The following SLC35F3 variants were observed in gnomAD, a reference collection of about 807,000 sequenced individuals.
The protein encoded by SLC35F3 is solute carrier family 35 member F3, also known as putative thiamine transporter SLC35F3.
Under a neutral mutation model 49.9 loss-of-function variants are expected in SLC35F3, and 25 were observed. The ratio of observed to expected loss-of-function variants is 0.50; its 90% CI spans 0.37 to 0.70. The LOEUF (loss-of-function observed/expected upper bound fraction) is 0.70, where lower values mean the gene tolerates loss of function less well. SLC35F3 is among the 30% of genes least tolerant of loss of function. The probability of loss-of-function intolerance (pLI) is 0.00; values close to 1 mark genes in which losing one functional copy is unlikely to be tolerated. For synonymous variants in SLC35F3, 275 were observed against 265.4 expected (o/e 1.04, Z -0.35); for missense variants, 525 against 639.8 (o/e 0.82, Z 1.94).
intron 3 of SLC35F3, among the ~76,000 whole-genome samples, chr1:234,244,981 C>G (rs1011383541): frequency 6.6e-6 from 1 of 151,668 alleles, no homozygotes; most frequent in African/African-American, 2.4e-5. Context: ...ATTTCATGTC[C>G]TCTCTTCTCA....
At chr1:234,100,272 A>G (rs1057199146) in intron 2 of SLC35F3, among the ~76,000 whole-genome samples, 2 of 152,236 alleles carry the variant, frequency 1.3e-5, no homozygotes, top group Non-Finnish European at 2.9e-5. Flanking sequence ...ACCAGGCTCT[A>G]TCTGATATTA....
At chr1:234,285,921 C>A (rs1668412466) in intron 3 of SLC35F3, among the ~76,000 whole-genome samples, 1 of 152,058 alleles carries the variant, frequency 6.6e-6, no homozygotes, top group African/African-American at 2.4e-5. Flanking sequence ...GATGTGTGTC[C>A]CTTATCTCAG....
intron 2 of SLC35F3, among the ~76,000 whole-genome samples, chr1:234,094,661 C>T (rs1422204604): frequency 6.6e-6 from 1 of 152,182 alleles, no homozygotes; most frequent in African/African-American, 2.4e-5. Context: ...ATTTCCAAAC[C>T]CCTCTCTATC....
chr1:234,115,314 T>C (rs1665470389), intron 2 of SLC35F3, among the ~76,000 whole-genome samples: 1 of 152,244 alleles, frequency 6.6e-6, no homozygotes, highest in Non-Finnish European at 1.5e-5. Flanking sequence ...TGCCTATGCG[T>C]GGACTTGTGG....
At chr1:234,301,104 G>A (rs950292025) in intron 3 of SLC35F3, among the ~76,000 whole-genome samples, 1 of 152,204 alleles carries the variant, frequency 6.6e-6, no homozygotes, top group Non-Finnish European at 1.5e-5. Flanking sequence ...TGAGGCATCT[G>A]GGAATGTCCA....
chr1:234,004,940 T>C (rs537966409), intron 2 of SLC35F3, among the ~76,000 whole-genome samples: 30 of 152,172 alleles, frequency 2.0e-4, no homozygotes, highest in Non-Finnish European at 4.3e-4. Flanking sequence ...TCATTAATCA[T>C]AGAAGCAATA....
chr1:234,068,822 A>ATTTT (rs1491227781), intron 2 of SLC35F3, among the ~76,000 whole-genome samples: 368 of 20,250 alleles, frequency 0.018, 23 homozygotes, highest in African/African-American at 0.076. Flanking sequence ...GATTTGAGAC[A>ATTTT]TTATATATAT....
chr1:234,240,548 T>C (rs1408902648), intron 3 of SLC35F3, among the ~76,000 whole-genome samples: 1 of 151,618 alleles, frequency 6.6e-6, no homozygotes, highest in Non-Finnish European at 1.5e-5. Context: ...GAGGTTGCAG[T>C]GAGCCAAGAT....
At chr1:234,155,780 A>G (rs1174985749) in intron 2 of SLC35F3, among the ~76,000 whole-genome samples, 1 of 142,910 alleles carries the variant, frequency 7.0e-6, no homozygotes, top group African/African-American at 2.6e-5. Flanking sequence ...CACACAATAT[A>G]CCAAAAAAAA....
intron 2 of SLC35F3, among the ~76,000 whole-genome samples, chr1:234,002,351 A>G (rs1663566812): frequency 6.6e-6 from 1 of 152,182 alleles, no homozygotes; most frequent in Non-Finnish European, 1.5e-5. Flanking sequence ...CCAGGACACC[A>G]CATTATCTTT....
chr1:234,044,511 TATTGCCAA>T (rs1664263418), intron 2 of SLC35F3, among the ~76,000 whole-genome samples: 1 of 152,240 alleles, frequency 6.6e-6, no homozygotes, highest in South Asian at 2.1e-4. Context: ...CTTTTCTAGA[TATTGCCAA>T]ATTGCTGTGC....
chr1:233,953,314 T>G (rs537234897), intron 2 of SLC35F3, among the ~76,000 whole-genome samples: 3 of 152,320 alleles, frequency 2.0e-5, no homozygotes, highest in Non-Finnish European at 4.4e-5. Flanking sequence ...GTTTTAAATT[T>G]TGAGCCTAAA....
chr1:233,939,352 G>T lies in SLC35F3; in HGVS notation c.283+33594G>T, dbSNP rs190320003. Among the ~76,000 whole-genome samples the T allele has an allele frequency of 1.7e-3, 261 of 152,322 alleles. 1 individual carries two copies. Among genetic ancestry groups the T allele is most frequent in the African/African-American group, 6.1e-3 (254 of 41,584 alleles). On this transcript the variant is annotated intron_variant, in intron 2 of 7. Transcript: ENST00000366618. ...TGCCTGTAGTCCCAGCTACTCAGGA[G>T]CCTGAGGTGAGAGGATCACTTGAGC...
chr1:233,920,774 G>A (rs559235279), intron 2 of SLC35F3, among the ~76,000 whole-genome samples: 10 of 152,356 alleles, frequency 6.6e-5, no homozygotes, highest in South Asian at 2.1e-4. Context: ...CAATGACCAT[G>A]TTGGGAGGCT....
chr1:233,905,636 T>C lies in SLC35F3; in HGVS notation c.161T>C (p.Leu54Pro). The C allele has an allele frequency of 6.2e-7, 1 of 1,614,192 alleles. No homozygotes were observed. Among genetic ancestry groups the C allele is most frequent in the Non-Finnish European group, 8.5e-7 (1 of 1,180,032 alleles). The part of the protein sequence containing the change: ...LVVDEAIKED[L>P]KWSRSVEDLT... ...GTGGACGAGGCGATTAAGGAGGATC[T>C]GAAATGGTCGCGCTCCGTGGAGGAT... The change falls in exon 2 of 8, where the codon CTG becomes CCG. Residue 54 changes from leucine (L) to proline (P), a missense_variant. Leu to Pro is a moderately conservative substitution (Grantham distance 98). Around this residue, in one of 4 missense-constraint regions of SLC35F3, gnomAD observed 228 missense variants for 218.9 expected, o/e 1.04. Transcript: ENST00000366618.
chr1:233,905,417 G>A, intron 1 of SLC35F3, 112 bp from the exon 2 acceptor site: 1 of 848,012 alleles, frequency 1.2e-6, no homozygotes. Context: ...CGCCCCCGGA[G>A]GGCCCCGGCC....
intron 2 of SLC35F3, among the ~76,000 whole-genome samples, chr1:234,019,509 A>G (rs1435828651): frequency 6.6e-6 from 1 of 152,204 alleles, no homozygotes; most frequent in Non-Finnish European, 1.5e-5. Context: ...TCTGAAGGCC[A>G]TCTGGAGGCA....
chr1:234,119,287 C>T (rs1192452199), intron 2 of SLC35F3, among the ~76,000 whole-genome samples: 2 of 148,752 alleles, frequency 1.3e-5, no homozygotes, highest in Non-Finnish European at 3.0e-5. Flanking sequence ...TAGGGCCTCT[C>T]AATTCATGGT....
intron 4 of SLC35F3, among the ~76,000 whole-genome samples, chr1:234,316,025 A>G (rs1272415587): frequency 2.0e-5 from 3 of 152,236 alleles, no homozygotes; most frequent in Admixed American, 6.5e-5. Context: ...GTGGCCACGA[A>G]GGAAAGGAAT....
Sources: gnomAD v4.1 joint callset for allele counts (sites outside exome capture counted in the v4.1 genomes callset) on GRCh38, gnomAD v4.1.1 for gene constraint, gnomAD v4.1.1 regional missense constraint, MANE v1.5 for transcripts, NCBI Gene and HGNC (gene_info 2026-07-23, HGNC 2026-07-21) for gene names.